The following MRPL35 variants were observed in gnomAD, a reference collection of about 807,000 sequenced individuals.
MRPL35 encodes the protein mitochondrial ribosomal protein L35, also known as large ribosomal subunit protein bL35m.
Under a neutral mutation model 21.6 loss-of-function variants are expected in MRPL35, and 18 were observed. That is an observed-to-expected ratio of 0.83 (90% CI 0.58 to 1.24). The LOEUF (loss-of-function observed/expected upper bound fraction) is 1.24. Among genes scored for constraint, MRPL35 ranks in the 50% most tolerant of loss-of-function variants. MRPL35 has a pLI of 0.00. For missense variants in MRPL35, 223 were observed against 223.2 expected, an observed-to-expected ratio of 1.00 and a Z score of 0.01; for synonymous variants, 87 against 86.9, an observed-to-expected ratio of 1.00 and a Z score of -0.01.
At position 86,206,248 on chromosome 2, in the gene MRPL35, A is replaced by G. The variant is rs1673787363; in HGVS notation, c.186A>G (p.Thr62=). Reference sequence around the variant, plus strand: ...TTTCCTCCACTCCCAGACTTACCACATCTGAGAGAAACCTGACATGTGGGC... The same window carrying G: ...TTTCCTCCACTCCCAGACTTACCACGTCTGAGAGAAACCTGACATGTGGGC... ...PVVSSTPRLT[T]SERNLTCGHT... Residue 62 remains threonine (T), a synonymous_variant, in exon 2 of 4, where the codon ACA becomes ACG. Transcript: ENST00000337109. The G allele has an allele frequency of 6.2e-7, 1 of 1,613,514 alleles. No individual in the cohort carries two copies. Among genetic ancestry groups the G allele is most frequent in the East Asian group, 2.2e-5 (1 of 44,896 alleles).
At chr2:86,205,620 C>T (rs1363569905) in intron 1 of MRPL35, among the ~76,000 whole-genome samples, 1 of 152,216 alleles carries the variant, frequency 6.6e-6, no homozygotes, top group East Asian at 1.9e-4. Context: ...CTGAAATGTG[C>T]TCCTCCTCTT....
chr2:86,213,219 T>G lies in MRPL35; in HGVS notation c.*2551T>G. 1.0e-6 allele frequency: 1 copy of G among 1,002,866 alleles called. No homozygotes were observed. The highest frequency in any genetic ancestry group is 1.2e-6 in the Non-Finnish European group (1 of 841,548). 62.1% of individuals were successfully genotyped at this position (1,002,866 alleles called of 1,614,324 possible). A position where few individuals can be genotyped will look rare whatever the true frequency, so the allele number is the denominator to read the frequency against. ...GGTACTATAAATACTAAATAAACAC[T>G]TCTTCATAACACTGTACCAATTCAG... On this transcript the variant is annotated 3_prime_UTR_variant, in exon 4 of 4. Transcript: ENST00000337109.
Position 86,199,464 on chromosome 2 carries a change from A to G in MRPL35, c.-27A>G. On this transcript the variant is annotated 5_prime_UTR_variant, in exon 1 of 4. Coordinates refer to ENST00000337109, the MANE Select transcript of MRPL35 (RefSeq NM_016622.4). ...TTTTGCTCTTGTGCTTTTAAACCCAAAGCGGCCGCCGTAGGCGAAGGTGAA... is the reference window on the plus strand; with the variant it reads ...TTTTGCTCTTGTGCTTTTAAACCCAGAGCGGCCGCCGTAGGCGAAGGTGAA... The G allele has an allele frequency of 6.2e-7, 1 of 1,613,896 alleles. No homozygotes were observed.
rs538221766 is a variant in MRPL35, at chr2:86,209,811, T to C, written c.379-669T>C. Among the ~76,000 whole-genome samples the C allele has an allele frequency of 5.3e-5, 8 of 152,302 alleles. No homozygotes were observed. The South Asian group carries it at 1.2e-3, about 24-fold the overall frequency. On this transcript the variant is annotated intron_variant, in intron 3 of 3. Transcript: ENST00000337109. ...GAAAGACAGTGGTTAAGAACTCTTATTAGCCTGGGCAAGATGGTGAGACCT... is the reference window on the plus strand; with the variant it reads ...GAAAGACAGTGGTTAAGAACTCTTACTAGCCTGGGCAAGATGGTGAGACCT...
chr2:86,207,814 G>A (rs1191638566), intron 3 of MRPL35, among the ~76,000 whole-genome samples: 4 of 150,854 alleles, frequency 2.7e-5, no homozygotes, highest in Non-Finnish European at 5.9e-5. Flanking sequence ...AGCTGAGGCA[G>A]GAGAGTCGCT....
In MRPL35 at chr2:86,199,548, AC is replaced by A; in HGVS notation, c.43+16del. The A allele has an allele frequency of 1.9e-6, 3 of 1,614,122 alleles. No homozygotes were observed. Among genetic ancestry groups the A allele is most frequent in the Non-Finnish European group, 2.5e-6 (3 of 1,180,022 alleles). On this transcript the variant is annotated intron_variant, in intron 1 of 3. Transcript: ENST00000337109. ...AGCAGCTTCAGGTCAGTGGAGAGCG[AC>A]ATACTCCATGCATGCCTTCACAGAA... is the stretch of plus-strand genomic sequence containing the variant.
chr2:86,212,921 A>G lies in MRPL35; in HGVS notation c.*2253A>G. ...ATTCAGGTATATGTATAATTTATTG[A>G]ACACCTACTATGTCCCAGCATATCT... On this transcript the variant is annotated 3_prime_UTR_variant, in exon 4 of 4. Transcript: ENST00000337109. 1.3e-6 allele frequency: 1 copy of G among 752,780 alleles called. No homozygotes were observed. Among genetic ancestry groups the G allele is most frequent in the Non-Finnish European group, 1.6e-6 (1 of 617,666 alleles). 46.6% of individuals were successfully genotyped at this position (752,780 alleles called of 1,614,324 possible). A position where few individuals can be genotyped will look rare whatever the true frequency, so the allele number is the denominator to read the frequency against.
chr2:86,208,043 TAA>T (rs1170338571), intron 3 of MRPL35, among the ~76,000 whole-genome samples: 1 of 152,212 alleles, frequency 6.6e-6, no homozygotes, highest in African/African-American at 2.4e-5. Flanking sequence ...CCTGTAAAAA[TAA>T]AATAGTTGGT....
intron 1 of MRPL35, 67 bp downstream of exon 1, chr2:86,199,600 G>A (rs1673645151): frequency 6.3e-7 from 1 of 1,590,340 alleles, no homozygotes; most frequent in Non-Finnish European, 8.6e-7. Context: ...GGATGGAATG[G>A]GCGTTTAGAC....
intron 1 of MRPL35, among the ~76,000 whole-genome samples, chr2:86,204,571 C>G (rs962487875): frequency 3.3e-5 from 5 of 151,988 alleles, no homozygotes; most frequent in African/African-American, 1.2e-4. Flanking sequence ...AGTCGGAGCT[C>G]CACGAGTGAT....
At chr2:86,204,006 T>C (rs1210031855) in intron 1 of MRPL35, among the ~76,000 whole-genome samples, 1 of 151,556 alleles carries the variant, frequency 6.6e-6, no homozygotes, top group Non-Finnish European at 1.5e-5. Context: ...TTTTTTGAGA[T>C]GGAGTTTCAC....
chr2:86,213,024 G>C lies in MRPL35; in HGVS notation c.*2356G>C, dbSNP rs1673941595. The C allele has an allele frequency of 1.7e-5, 14 of 820,222 alleles. No individual in the cohort carries two copies. The highest frequency in any genetic ancestry group is 2.1e-5 in the Non-Finnish European group (14 of 679,504). The allele number at this position is 820,222 out of a possible 1,614,324, so 50.8% of individuals were successfully genotyped here. A position where few individuals can be genotyped will look rare whatever the true frequency, so the allele number is the denominator to read the frequency against. ...TACAAAGGACATAATGATTAGTTAA[G>C]CCCTAATTTAGATTTGAGGAAACTG... On this transcript the variant is annotated 3_prime_UTR_variant, in exon 4 of 4. Coordinates refer to ENST00000337109, the MANE Select transcript of MRPL35 (RefSeq NM_016622.4).
Position 86,210,555 on chromosome 2 carries a change from A to G in MRPL35, c.454A>G (p.Lys152Glu). 1.9e-6 allele frequency: 3 copies of G among 1,613,974 alleles called. No individual in the cohort carries two copies. Among genetic ancestry groups the G allele is most frequent in the Non-Finnish European group, 1.7e-6 (2 of 1,179,888 alleles). ...KRLREFVFCN[K>E]TQSKLLDKMT... ...ATTGAGGGAATTTGTATTCTGCAAT[A>G]AAACCCAGAGTAAACTCTTAGATAA... The change falls in exon 4 of 4, where the codon AAA becomes GAA. Residue 152 changes from lysine (K) to glutamate (E), a missense_variant. Physicochemically the swap from Lys to Glu is moderately conservative, Grantham distance 56. Coordinates refer to ENST00000337109, the MANE Select transcript of MRPL35 (RefSeq NM_016622.4).
chr2:86,200,629 GATTC>G (rs935185139), intron 1 of MRPL35, among the ~76,000 whole-genome samples: 5 of 151,964 alleles, frequency 3.3e-5, no homozygotes, highest in East Asian at 1.9e-4. Context: ...TACATTGTGA[GATTC>G]ATTCATTCAT....
chr2:86,213,127 C>T lies in MRPL35; in HGVS notation c.*2459C>T, dbSNP rs1049947847. Reference sequence around the variant, plus strand: ...AATCTCAGTCTCACTCCTTGGGATCCTGTGTATTTCCCTGAGTCTTCTAAC... The same window carrying T: ...AATCTCAGTCTCACTCCTTGGGATCTTGTGTATTTCCCTGAGTCTTCTAAC... On this transcript the variant is annotated 3_prime_UTR_variant, in exon 4 of 4. Coordinates refer to ENST00000337109, the MANE Select transcript of MRPL35 (RefSeq NM_016622.4). The T allele has an allele frequency of 1.1e-4, 107 of 985,906 alleles. No individual in the cohort carries two copies. Among genetic ancestry groups the T allele is most frequent in the Non-Finnish European group, 1.2e-4 (103 of 830,362 alleles). The allele number at this position is 985,906 out of a possible 1,614,324, so 61.1% of individuals were successfully genotyped here. A position where few individuals can be genotyped will look rare whatever the true frequency, so the allele number is the denominator to read the frequency against.
intron 2 of MRPL35, 46 bp downstream of exon 2, chr2:86,206,341 GT>G (rs367590080): frequency 4.1e-5 from 61 of 1,498,448 alleles, no homozygotes; most frequent in East Asian, 4.6e-5. Context: ...TTTGTTTTTT[GT>G]TTTTTTTTGA....
In MRPL35 at chr2:86,211,291, T is replaced by A. The variant is rs755743188; in HGVS notation, c.*623T>A. The A allele has an allele frequency of 2.3e-5, 20 of 880,090 alleles. No individual in the cohort carries two copies. The highest frequency in any genetic ancestry group is 2.7e-5 in the Non-Finnish European group (20 of 734,314). The allele number at this position is 880,090 out of a possible 1,614,324, so 54.5% of individuals were successfully genotyped here. On this transcript the variant is annotated 3_prime_UTR_variant, in exon 4 of 4. Transcript: ENST00000337109. ...ACCTTTGAGGTTCTTTTCTACATGA[T>A]GACCTTCAGCTCCTGCTGCTAGTCT...
Position 86,210,748 on chromosome 2 carries a change from A to C in MRPL35, c.*80A>C. 1.4e-6 allele frequency: 2 copies of C among 1,472,896 alleles called. No individual in the cohort carries two copies. Among genetic ancestry groups the C allele is most frequent in the Non-Finnish European group, 1.8e-6 (2 of 1,107,560 alleles). 91.2% of individuals were successfully genotyped at this position (1,472,896 alleles called of 1,614,324 possible). On this transcript the variant is annotated 3_prime_UTR_variant, in exon 4 of 4. Coordinates refer to ENST00000337109, the MANE Select transcript of MRPL35 (RefSeq NM_016622.4). ...CTTTGCAAAAATGGATAAGTACAAA[A>C]CTTGATGTAAATTGTACCAATGAAT...
chr2:86,211,064 A>G lies in MRPL35; in HGVS notation c.*396A>G. 1 of 988,538 alleles carries G rather than the reference A, an allele frequency of 1.0e-6. No homozygotes were observed. The highest frequency in any genetic ancestry group is 1.2e-6 in the Non-Finnish European group (1 of 832,034). The allele number at this position is 988,538 out of a possible 1,614,324, so 61.2% of individuals were successfully genotyped here. A position where few individuals can be genotyped will look rare whatever the true frequency, so the allele number is the denominator to read the frequency against. ...ACCTCACCAACCCCATCTCCCACTC[A>G]GAAATCACCTCCCAGCCTCAGGAAG... is the stretch of plus-strand genomic sequence containing the variant. On this transcript the variant is annotated 3_prime_UTR_variant, in exon 4 of 4. Transcript: ENST00000337109.
Sources: allele counts gnomAD v4.1 joint callset (sites outside exome capture counted in the v4.1 genomes callset), GRCh38; gene constraint gnomAD v4.1.1; transcripts MANE v1.5; gene names NCBI Gene and HGNC (gene_info 2026-07-23, HGNC 2026-07-21).